The following F13A1 variants were observed in gnomAD, a reference collection of about 807,000 sequenced individuals.
F13A1 encodes FSF, A subunit.
A neutral mutation model predicts 80.1 loss-of-function variants in F13A1; 47 were observed. That is an observed-to-expected ratio of 0.59 (90% confidence interval 0.46 to 0.75). The LOEUF (loss-of-function observed/expected upper bound fraction) is 0.75, where lower values mean the gene tolerates loss of function less well. Ranked by LOEUF, F13A1 falls within the 30% of genes least tolerant of loss-of-function variation. F13A1 has a pLI of 0.00. For synonymous variants in F13A1, 349 were observed against 344.9 expected (o/e 1.01, Z -0.13); for missense variants, 817 against 930.4 (o/e 0.88, Z 1.59).
intron 4 of F13A1, among the ~76,000 whole-genome samples, chr6:6,259,202 G>A (rs1178256142): frequency 6.6e-6 from 1 of 152,196 alleles, no homozygotes; most frequent in Admixed American, 6.5e-5. Context: ...AATGGCTCTA[G>A]CCTGAGGGCG....
At chr6:6,260,308 T>C (rs763370404) in intron 4 of F13A1, among the ~76,000 whole-genome samples, 2 of 152,180 alleles carry the variant, frequency 1.3e-5, no homozygotes, top group Non-Finnish European at 2.9e-5. Flanking sequence ...CTGAGCATTC[T>C]CCTATCAATA....
At chr6:6,227,252 C>T (rs1397280337) in intron 6 of F13A1, among the ~76,000 whole-genome samples, 1 of 152,164 alleles carries the variant, frequency 6.6e-6, no homozygotes, top group Non-Finnish European at 1.5e-5. Flanking sequence ...GATCACTATT[C>T]AATTTGGTTT....
chr6:6,192,601 A>T (rs1019601838), intron 10 of F13A1, among the ~76,000 whole-genome samples: 1 of 152,224 alleles, frequency 6.6e-6, no homozygotes, highest in East Asian at 1.9e-4. Flanking sequence ...ATCTGATAAG[A>T]TAGTAGCAAA....
At chr6:6,238,421 A>G (rs1435750691) in intron 6 of F13A1, among the ~76,000 whole-genome samples, 1 of 152,170 alleles carries the variant, frequency 6.6e-6, no homozygotes, top group East Asian at 1.9e-4. Context: ...AAAACATAGG[A>G]GAAATAGTGG....
At chr6:6,216,340 T>C (rs1299634049) in intron 8 of F13A1, among the ~76,000 whole-genome samples, 3 of 151,426 alleles carry the variant, frequency 2.0e-5, no homozygotes, top group Non-Finnish European at 4.4e-5. Context: ...TATAGATCAA[T>C]GGAACAAAAC....
rs5983 is a variant in F13A1 at position 6,167,600 on chromosome 6, A to T, written c.1766T>A (p.Leu589Gln). Reference sequence around the variant, plus strand: ...ACCCATGTACTCGCCGGCTTGGATCAGCACCGCCTCTTTCTTGACTAGTAG... The same window carrying T: ...ACCCATGTACTCGCCGGCTTGGATCTGCACCGCCTCTTTCTTGACTAGTAG... Reference protein sequence around the residue: ...EPLSFKKEAVLIQAGEYMGQL... With the variant: ...EPLSFKKEAVQIQAGEYMGQL... Residue 589 changes from leucine (L) to glutamine (Q), a missense_variant, in exon 13 of 15, where the codon CTG becomes CAG. Leu to Gln is a moderately radical substitution (Grantham distance 113). Coordinates refer to ENST00000264870, the MANE Select transcript of F13A1 (RefSeq NM_000129.4). 5.1e-3 allele frequency: 8,265 copies of T among 1,613,720 alleles called. 34 individuals carry two copies. The highest frequency in any genetic ancestry group is 6.0e-3 in the Non-Finnish European group (7,127 of 1,179,996).
chr6:6,189,572 A>G (rs1328324999), intron 10 of F13A1, among the ~76,000 whole-genome samples: 2 of 144,504 alleles, frequency 1.4e-5, no homozygotes, highest in Non-Finnish European at 3.1e-5. Flanking sequence ...TCTGGCTTGT[A>G]GAGTTTCTGC....
At chr6:6,314,067 C>CA (rs1311381130) in intron 2 of F13A1, among the ~76,000 whole-genome samples, 1 of 150,028 alleles carries the variant, frequency 6.7e-6, no homozygotes, top group East Asian at 2.0e-4. Flanking sequence ...CTGCAACCTC[C>CA]ACCTCCCAGG....
intron 4 of F13A1, among the ~76,000 whole-genome samples, chr6:6,265,931 T>C (rs1447920677): frequency 6.6e-6 from 1 of 152,244 alleles, no homozygotes; most frequent in Non-Finnish European, 1.5e-5. Flanking sequence ...CAACATATAT[T>C]AGGTTGGTGA....
At chr6:6,177,943 CT>C (rs904212519) in intron 11 of F13A1, among the ~76,000 whole-genome samples, 1 of 148,398 alleles carries the variant, frequency 6.7e-6, no homozygotes, top group Non-Finnish European at 1.5e-5. Flanking sequence ...CATACAATAC[CT>C]GTGGGGGCAT....
intron 8 of F13A1, among the ~76,000 whole-genome samples, chr6:6,201,246 C>G (rs1761388695): frequency 1.3e-5 from 2 of 152,186 alleles, no homozygotes; most frequent in Middle Eastern, 3.2e-3. Context: ...TTCAAATGAC[C>G]AGGACCCGGG....
At position 6,144,731 on chromosome 6, in the gene F13A1, A is replaced by G. The variant is rs1760247178; in HGVS notation, c.*888T>C. On this transcript the variant is annotated 3_prime_UTR_variant, in exon 15 of 15. Transcript: ENST00000264870. ...ACTTGTTGGGCTTATTATATCTCTG[A>G]AAGGGGACCTGAACCTGCATCATTC... is the stretch of plus-strand genomic sequence containing the variant. 6.6e-6 allele frequency: 1 copy of G among 152,560 alleles called. No homozygotes were observed. The highest frequency in any genetic ancestry group is 2.4e-5 in the African/African-American group (1 of 41,448). 9.5% of individuals were successfully genotyped at this position (152,560 alleles called of 1,614,324 possible).
chr6:6,309,912 A>C (rs1758566598), intron 2 of F13A1, among the ~76,000 whole-genome samples: 1 of 152,166 alleles, frequency 6.6e-6, no homozygotes, highest in African/African-American at 2.4e-5. Flanking sequence ...CCCTGAAATG[A>C]GTCCTGCCTT....
intron 8 of F13A1, among the ~76,000 whole-genome samples, chr6:6,201,037 G>A (rs997669418): frequency 1.3e-5 from 2 of 152,118 alleles, no homozygotes; most frequent in Non-Finnish European, 2.9e-5. Context: ...CTGAATGGAC[G>A]CCGTCCTGCT....
At chr6:6,190,610 A>C (rs1278302704) in intron 10 of F13A1, among the ~76,000 whole-genome samples, 10 of 151,952 alleles carry the variant, frequency 6.6e-5, no homozygotes, top group South Asian at 2.1e-4. Context: ...TGCTGGGAGA[A>C]CCAGTGCTCT....
At chr6:6,304,952 A>G (rs1451380065) in intron 3 of F13A1, among the ~76,000 whole-genome samples, 1 of 152,096 alleles carries the variant, frequency 6.6e-6, no homozygotes, top group Admixed American at 6.5e-5. Context: ...CCATGGGACT[A>G]GATCAGAGCA....
At chr6:6,164,619 C>T (rs1417492084) in intron 13 of F13A1, among the ~76,000 whole-genome samples, 2 of 151,992 alleles carry the variant, frequency 1.3e-5, no homozygotes, top group Non-Finnish European at 2.9e-5. Flanking sequence ...TTGAAGTTTT[C>T]TTATTACTCT....
intron 10 of F13A1, among the ~76,000 whole-genome samples, chr6:6,193,654 C>T (rs1308629332): frequency 6.6e-6 from 1 of 152,126 alleles, no homozygotes; most frequent in Non-Finnish European, 1.5e-5. Flanking sequence ...CATAACACCC[C>T]GATCTATATT....
At chr6:6,258,776 A>G (rs1170205459) in intron 4 of F13A1, among the ~76,000 whole-genome samples, 3 of 152,236 alleles carry the variant, frequency 2.0e-5, no homozygotes, top group Non-Finnish European at 2.9e-5. Flanking sequence ...AAATTTTTCC[A>G]TAAGCTTTAT....
Sources: gnomAD v4.1 joint callset for allele counts (sites outside exome capture counted in the v4.1 genomes callset) on GRCh38, gnomAD v4.1.1 for gene constraint, MANE v1.5 for transcripts, NCBI Gene and HGNC (gene_info 2026-07-23, HGNC 2026-07-21) for gene names.